Variants in NSUN3 observed in about 807,000 individuals in gnomAD.
The protein encoded by NSUN3 is tRNA (cytosine(34)-C(5))-methyltransferase, mitochondrial.
Under a neutral mutation model 36.8 loss-of-function variants are expected in NSUN3, and 24 were observed. The observed-to-expected ratio is 0.65, with a 90% confidence interval of 0.47 to 0.92. The LOEUF (loss-of-function observed/expected upper bound fraction) is 0.92. NSUN3 is among the 40% of genes least tolerant of loss of function. The probability of loss-of-function intolerance (pLI) is 0.00; values close to 1 mark genes in which losing one functional copy is unlikely to be tolerated. For missense variants in NSUN3, 381 were observed against 392.8 expected, an observed-to-expected ratio of 0.97 and a Z score of 0.25; for synonymous variants, 146 against 145.2, an observed-to-expected ratio of 1.01 and a Z score of -0.04.
At chr3:94,113,512 T>C (rs992442066) in intron 5 of NSUN3, among the ~76,000 whole-genome samples, 1 of 151,828 alleles carries the variant, frequency 6.6e-6, no homozygotes, top group African/African-American at 2.4e-5. Context: ...TTAAGGGATA[T>C]GAAAAAGAGG....
chr3:94,097,331 A>G (rs1185795429), intron 5 of NSUN3, among the ~76,000 whole-genome samples: 2 of 152,022 alleles, frequency 1.3e-5, no homozygotes, highest in African/African-American at 2.4e-5. Flanking sequence ...AATAACTTTT[A>G]TCATGATATG....
At chr3:94,118,236 A>AT (rs1216742700) in intron 5 of NSUN3, among the ~76,000 whole-genome samples, 1 of 152,178 alleles carries the variant, frequency 6.6e-6, no homozygotes, top group African/African-American at 2.4e-5. Flanking sequence ...TGATATATCA[A>AT]TTTTTTAAAA....
At chr3:94,126,184 CT>C (rs757616846) in intron 5 of NSUN3, 26 bp from the exon 6 acceptor site, 2 of 1,582,892 alleles carry the variant, frequency 1.3e-6, no homozygotes, top group Non-Finnish European at 1.7e-6. Context: ...CTTAACTAAT[CT>C]TTTGCATTTT....
chr3:94,102,802 A>T (rs2077371359), intron 5 of NSUN3, among the ~76,000 whole-genome samples: 2 of 152,182 alleles, frequency 1.3e-5, no homozygotes, highest in Non-Finnish European at 2.9e-5. Flanking sequence ...ATATATATTG[A>T]CAATATGAAT....
intron 2 of NSUN3, chr3:94,077,174 T>G (rs1025235015): frequency 1.4e-6 from 1 of 709,436 alleles, no homozygotes; most frequent in Non-Finnish European, 2.6e-6. Flanking sequence ...TTGTCAGTCA[T>G]GGAGGCCAGG....
chr3:94,095,089 T>C lies in NSUN3; in HGVS notation c.678T>C (p.Ser226=). The C allele has an allele frequency of 6.2e-7, 1 of 1,613,976 alleles. No individual in the cohort carries two copies. The highest frequency in any genetic ancestry group is 8.5e-7 in the Non-Finnish European group (1 of 1,179,886). ...NDRSWLFSSD[S]QKASCRISQR... is the part of the protein sequence containing the mutation. ...GAAGCTGGTTGTTTTCTTCTGACTC[T>C]CAGAAGGCATCCTGTAGGATAAGTC... The change falls in exon 5 of 6, where the codon TCT becomes TCC. Residue 226 remains serine (S), a synonymous_variant. Coordinates refer to ENST00000314622, the MANE Select transcript of NSUN3 (RefSeq NM_022072.5).
At chr3:94,122,322 C>A (rs2077466681) in intron 5 of NSUN3, among the ~76,000 whole-genome samples, 1 of 152,152 alleles carries the variant, frequency 6.6e-6, no homozygotes, top group Non-Finnish European at 1.5e-5. Flanking sequence ...TGCAACTCTT[C>A]CTCTCTTCCT....
At chr3:94,105,717 T>C (rs1486662091) in intron 5 of NSUN3, among the ~76,000 whole-genome samples, 1 of 151,886 alleles carries the variant, frequency 6.6e-6, no homozygotes, top group Non-Finnish European at 1.5e-5. Flanking sequence ...AGAATTTCAC[T>C]TGAAGAAAGT....
At chr3:94,102,809 G>A (rs2077371416) in intron 5 of NSUN3, among the ~76,000 whole-genome samples, 2 of 152,012 alleles carry the variant, frequency 1.3e-5, no homozygotes, top group South Asian at 4.2e-4. Context: ...TTGACAATAT[G>A]AATACAATCT....
At chr3:94,086,089 GC>G (rs1192839713) in intron 3 of NSUN3, among the ~76,000 whole-genome samples, 1 of 151,832 alleles carries the variant, frequency 6.6e-6, no homozygotes, top group Admixed American at 6.6e-5. Context: ...GATTACAGGT[GC>G]CCACCACCAT....
chr3:94,115,396 T>C (rs1293278054), intron 5 of NSUN3, among the ~76,000 whole-genome samples: 2 of 152,186 alleles, frequency 1.3e-5, no homozygotes, highest in African/African-American at 2.4e-5. Context: ...GGAAGGGTAC[T>C]ATTGCCTTGA....
At chr3:94,070,836 G>A (rs1052266187) in intron 2 of NSUN3, among the ~76,000 whole-genome samples, 9 of 152,186 alleles carry the variant, frequency 5.9e-5, no homozygotes, top group Non-Finnish European at 1.2e-4. Context: ...AAGTCAGGTG[G>A]TTTCCAAGTT....
chr3:94,093,331 A>G (rs2077324200), intron 3 of NSUN3, among the ~76,000 whole-genome samples: 1 of 148,536 alleles, frequency 6.7e-6, no homozygotes, highest in Admixed American at 6.7e-5. Flanking sequence ...ACATATACAT[A>G]TATGTATGTG....
At position 94,127,039 on chromosome 3, in the gene NSUN3, A is replaced by G. The variant is rs551954306; in HGVS notation, c.*549A>G. 64 of 152,562 alleles carry G rather than the reference A, an allele frequency of 4.2e-4. 1 individual carries two copies. The highest frequency in any genetic ancestry group is 1.5e-3 in the African/African-American group (64 of 41,526). 9.5% of individuals were successfully genotyped at this position (152,562 alleles called of 1,614,324 possible). A position where few individuals can be genotyped will look rare whatever the true frequency, so the allele number is the denominator to read the frequency against. ...GCAATGTTGTTTTCTGTTAAAGACT[A>G]TATTATGTTTACTGCAAAGGTCAGT... On this transcript the variant is annotated 3_prime_UTR_variant, in exon 6 of 6. Coordinates refer to ENST00000314622, the MANE Select transcript of NSUN3 (RefSeq NM_022072.5).
At chr3:94,067,913 A>G (rs557781704) in intron 2 of NSUN3, among the ~76,000 whole-genome samples, 1 of 152,256 alleles carries the variant, frequency 6.6e-6, no homozygotes, top group South Asian at 2.1e-4. Context: ...CACCTTGAGT[A>G]CAAACCTTTG....
At chr3:94,115,553 C>T (rs891142121) in intron 5 of NSUN3, among the ~76,000 whole-genome samples, 26 of 152,180 alleles carry the variant, frequency 1.7e-4, no homozygotes, top group Non-Finnish European at 3.1e-4. Flanking sequence ...GGCGAGACAG[C>T]GATTGTGACT....
At chr3:94,067,273 G>A (rs534105910) in intron 2 of NSUN3, among the ~76,000 whole-genome samples, 114 of 152,338 alleles carry the variant, frequency 7.5e-4, no homozygotes, top group African/African-American at 2.7e-3. Flanking sequence ...GGAGAGGACA[G>A]CTGGAAGCTT....
intron 5 of NSUN3, among the ~76,000 whole-genome samples, chr3:94,124,679 A>G (rs950425147): frequency 6.6e-6 from 1 of 152,340 alleles, no homozygotes; most frequent in South Asian, 2.1e-4. Context: ...CTGTCTGTAA[A>G]TACAGTCACC....
In NSUN3 at chr3:94,076,504, C is replaced by G. The variant is rs2077246961; in HGVS notation, c.123-7603C>G. 3.8e-6 allele frequency: 3 copies of G among 786,848 alleles called. No individual in the cohort carries two copies. In the East Asian group the frequency reaches 7.3e-5, roughly 19 times the overall value. 48.7% of individuals were successfully genotyped at this position (786,848 alleles called of 1,614,324 possible). On this transcript the variant is annotated intron_variant, in intron 2 of 5. Coordinates refer to ENST00000314622, the MANE Select transcript of NSUN3 (RefSeq NM_022072.5). ...AAACATCTTCTACTACTACTGTATGCCCTGTAAAGATGGTCTTTGCATCCA... is the reference window on the plus strand; with the variant it reads ...AAACATCTTCTACTACTACTGTATGGCCTGTAAAGATGGTCTTTGCATCCA...
Sources: gnomAD v4.1 joint callset for allele counts (sites outside exome capture counted in the v4.1 genomes callset) on GRCh38, gnomAD v4.1.1 for gene constraint, MANE v1.5 for transcripts, NCBI Gene and HGNC (gene_info 2026-07-23, HGNC 2026-07-21) for gene names.